Variants in CSMD1 observed in about 807,000 individuals in gnomAD.
CSMD1 encodes CUB and sushi domain-containing protein 1.
In CSMD1, 213 loss-of-function variants were observed where a neutral mutation model predicts 417.5. That is an observed-to-expected ratio of 0.51 (90% CI 0.46 to 0.57). The LOEUF is 0.57. CSMD1 is among the 20% of genes least tolerant of loss of function. The probability of loss-of-function intolerance (pLI) is 0.00; values close to 1 mark genes in which losing one functional copy is unlikely to be tolerated. For missense variants in CSMD1, 6,923 were observed against 4,529.7 expected, an observed-to-expected ratio of 1.53 and a Z score of -15.17; for synonymous variants, 2,862 against 1,736.8, an observed-to-expected ratio of 1.65 and a Z score of -16.11.
At chr8:4,277,757 G>GT (rs1041491618) in intron 3 of CSMD1, among the ~76,000 whole-genome samples, 5 of 151,986 alleles carry the variant, frequency 3.3e-5, no homozygotes, top group Non-Finnish European at 5.9e-5. Flanking sequence ...TTTTATTTTT[G>GT]TTTTTTCTGA....
intron 3 of CSMD1, among the ~76,000 whole-genome samples, chr8:4,111,877 C>G (rs1299593844): frequency 6.6e-6 from 1 of 152,070 alleles, no homozygotes; most frequent in Non-Finnish European, 1.5e-5. Flanking sequence ...CACATGTTTA[C>G]CTATGTAAGA....
At chr8:3,864,284 G>A (rs1043962911) in intron 5 of CSMD1, among the ~76,000 whole-genome samples, 4 of 152,070 alleles carry the variant, frequency 2.6e-5, no homozygotes, top group Non-Finnish European at 5.9e-5. Context: ...TCAATAATTT[G>A]GCCAATATTT....
chr8:4,292,377 A>G (rs894324551), intron 3 of CSMD1, among the ~76,000 whole-genome samples: 5 of 151,878 alleles, frequency 3.3e-5, no homozygotes, highest in Non-Finnish European at 5.9e-5. Flanking sequence ...CTCAGCCTCC[A>G]GAGTACCTGG....
rs116569383 is a variant in CSMD1, at chr8:4,756,701, C to T, written c.86-119143G>A. Among the ~76,000 whole-genome samples, 926 of 152,238 alleles carry T rather than the reference C, an allele frequency of 6.1e-3. 7 individuals are homozygous for T. The highest frequency in any genetic ancestry group is 0.021 in the African/African-American group (869 of 41,552). On this transcript the variant is annotated intron_variant, in intron 1 of 69. Coordinates refer to ENST00000635120, the MANE Select transcript of CSMD1 (RefSeq NM_033225.6). ...GACAGTCAATTTCTAGTTTTCACCC[C>T]ATGGTTCCATATTTCTTTTGGAGTT...
intron 3 of CSMD1, among the ~76,000 whole-genome samples, chr8:4,305,890 G>T (rs972364315): frequency 1.3e-5 from 2 of 152,098 alleles, no homozygotes; most frequent in African/African-American, 2.4e-5. Flanking sequence ...ATATGCAATT[G>T]TTCTCAAGCA....
intron 1 of CSMD1, among the ~76,000 whole-genome samples, chr8:4,775,635 C>T (rs1001404838): frequency 2.0e-5 from 3 of 152,104 alleles, no homozygotes; most frequent in Non-Finnish European, 4.4e-5. Flanking sequence ...TTAGACAACA[C>T]TTTTATTTTC....
chr8:3,193,002 C>A (rs7816370), intron 33 of CSMD1, among the ~76,000 whole-genome samples: 22,034 of 151,752 alleles, frequency 0.15, 1,803 homozygotes, highest in South Asian at 0.2. Flanking sequence ...CAAAATGAAG[C>A]GCTATTGCCA....
chr8:4,979,635 G>A (rs1318181378), intron 1 of CSMD1, among the ~76,000 whole-genome samples: 1 of 152,160 alleles, frequency 6.6e-6, no homozygotes, highest in Non-Finnish European at 1.5e-5. Context: ...TGTTCTAATT[G>A]GAGCAGTCCT....
intron 46 of CSMD1, among the ~76,000 whole-genome samples, chr8:3,104,595 G>C (rs556636272): frequency 1.3e-5 from 2 of 152,090 alleles, no homozygotes; most frequent in East Asian, 1.9e-4. Flanking sequence ...ATTCCAAAAT[G>C]TATGCCAATT....
chr8:3,099,956 A>G (rs1815611336), intron 46 of CSMD1, among the ~76,000 whole-genome samples: 1 of 152,188 alleles, frequency 6.6e-6, no homozygotes, highest in African/African-American at 2.4e-5. Context: ...CATTTTTCTT[A>G]AAATACTTAG....
At position 3,068,604 on chromosome 8, in the gene CSMD1, T is replaced by A. The variant is rs370582428; in HGVS notation, c.7475-15957A>T. The stretch of plus-strand genomic sequence containing the variant: ...CTGTACGGGAAACAAGGTGCTGGCA[T>A]CTGCTTGGCTTCTGGGGAGGCCTTA... On this transcript the variant is annotated intron_variant, in intron 49 of 69. Coordinates refer to ENST00000635120, the MANE Select transcript of CSMD1 (RefSeq NM_033225.6). Among the ~76,000 whole-genome samples, 28 of 152,308 alleles carry A rather than the reference T, an allele frequency of 1.8e-4. 1 individual carries two copies. Among genetic ancestry groups the A allele is most frequent in the East Asian group, 1.2e-3 (6 of 5,178 alleles).
chr8:3,821,043 A>G (rs1417480712), intron 5 of CSMD1, among the ~76,000 whole-genome samples: 1 of 151,832 alleles, frequency 6.6e-6, no homozygotes, highest in African/African-American at 2.4e-5. Context: ...CAGCCTCCCC[A>G]GTAGCTGGGA....
At chr8:3,765,707 C>T (rs1196673046) in intron 5 of CSMD1, among the ~76,000 whole-genome samples, 2 of 152,216 alleles carry the variant, frequency 1.3e-5, no homozygotes, top group Non-Finnish European at 2.9e-5. Context: ...GGCTTCCCAT[C>T]AGCACTGCAG....
chr8:4,811,239 A>T (rs1014698951), intron 1 of CSMD1, among the ~76,000 whole-genome samples: 2 of 152,234 alleles, frequency 1.3e-5, no homozygotes, highest in Admixed American at 6.5e-5. Flanking sequence ...AACTGAAGAC[A>T]ATTCAATTTT....
intron 69 of CSMD1, among the ~76,000 whole-genome samples, chr8:2,941,053 G>C (rs912536907): frequency 6.6e-6 from 1 of 152,200 alleles, no homozygotes; most frequent in Non-Finnish European, 1.5e-5. Context: ...AATTAGTCCT[G>C]AGCAGAAATT....
At chr8:3,753,683 G>T (rs28693802) in intron 6 of CSMD1, among the ~76,000 whole-genome samples, 1 of 151,720 alleles carries the variant, frequency 6.6e-6, no homozygotes, top group Non-Finnish European at 1.5e-5. Flanking sequence ...AATAGCTATT[G>T]ATTAAAACTT....
At chr8:3,675,407 G>A (rs1399824032) in intron 7 of CSMD1, among the ~76,000 whole-genome samples, 1 of 152,148 alleles carries the variant, frequency 6.6e-6, no homozygotes, top group African/African-American at 2.4e-5. Flanking sequence ...TGTTTTGTTT[G>A]CTAATGAACA....
At chr8:3,878,061 G>C (rs185106144) in intron 5 of CSMD1, among the ~76,000 whole-genome samples, 13 of 151,992 alleles carry the variant, frequency 8.6e-5, no homozygotes, top group Admixed American at 5.2e-4. Flanking sequence ...TATTCATGCT[G>C]GGTGGTCATG....
intron 3 of CSMD1, among the ~76,000 whole-genome samples, chr8:4,281,349 G>C (rs1043170172): frequency 1.3e-5 from 2 of 152,194 alleles, no homozygotes; most frequent in African/African-American, 4.8e-5. Context: ...CACAGAGTAA[G>C]ATGACGGCAT....
Sources: allele counts gnomAD v4.1 joint callset (sites outside exome capture counted in the v4.1 genomes callset), GRCh38; gene constraint gnomAD v4.1.1; transcripts MANE v1.5; gene names NCBI Gene and HGNC (gene_info 2026-07-23, HGNC 2026-07-21).